HPS4: variants seen among roughly 807,000 people sequenced by gnomAD.
HPS4 encodes the protein BLOC-3 complex member HPS4.
In HPS4, 44 loss-of-function variants were observed where a neutral mutation model predicts 70.3. The ratio of observed to expected loss-of-function variants is 0.63; its 90% CI spans 0.49 to 0.80. HPS4 has a LOEUF of 0.80. Among genes scored for constraint, HPS4 ranks in the 30% least tolerant of loss-of-function variants. HPS4 has a pLI of 0.00. For missense variants in HPS4, 873 were observed against 884.4 expected (o/e 0.99, Z 0.16); for synonymous variants, 377 against 355.9 (o/e 1.06, Z -0.67).
At chr22:26,450,346 T>TG (rs2085103936), downstream of HPS4, among the ~76,000 whole-genome samples, 1 of 152,186 alleles carries the variant, frequency 6.6e-6, no homozygotes, top group Non-Finnish European at 1.5e-5. Flanking sequence ...ACGCAGTAAC[T>TG]GGGCGGCATG....
rs2085493902 is a variant in HPS4, at chr22:26,453,223, T to C, written c.*10A>G. 1 of 1,614,070 alleles carries C rather than the reference T, an allele frequency of 6.2e-7. No individual in the cohort carries two copies. Among genetic ancestry groups the C allele is most frequent in the Non-Finnish European group, 8.5e-7 (1 of 1,179,938 alleles). On this transcript the variant is annotated 3_prime_UTR_variant, in exon 14 of 14. Coordinates refer to ENST00000398145, the MANE Select transcript of HPS4 (RefSeq NM_022081.6). ...GGTTTTCTCCTTCCCAGTCACCTCC[T>C]GGGTGCAGTTCAGAGCAAGTTCACC...
chr22:26,448,989 C>T (rs62225810), downstream of HPS4, among the ~76,000 whole-genome samples: 1 of 152,124 alleles, frequency 6.6e-6, no homozygotes, highest in Non-Finnish European at 1.5e-5. Flanking sequence ...CCAGGAGCAG[C>T]GGTGGGTTCA....
chr22:26,458,308 T>C (rs2086562902), intron 12 of HPS4, 137 bp downstream of exon 12: 1 of 1,069,688 alleles, frequency 9.3e-7, no homozygotes, highest in Admixed American at 1.8e-5. Context: ...GGGCTCCCGG[T>C]GAGAAGAGAG....
At chr22:26,466,361 C>A in intron 8 of HPS4, 99 bp from the exon 9 acceptor site, 1 of 1,364,854 alleles carries the variant, frequency 7.3e-7, no homozygotes, top group Non-Finnish European at 1.0e-6. Flanking sequence ...TAAAACTTAG[C>A]CAGGCCCAGA....
In HPS4 at chr22:26,482,038, A is replaced by C; in HGVS notation, c.-276T>G. 2.2e-6 allele frequency: 1 copy of C among 456,008 alleles called. No homozygotes were observed. Among genetic ancestry groups the C allele is most frequent in the East Asian group, 4.4e-5 (1 of 22,640 alleles). 28.2% of individuals were successfully genotyped at this position (456,008 alleles called of 1,614,324 possible). A position where few individuals can be genotyped will look rare whatever the true frequency, so the allele number is the denominator to read the frequency against. ...CAGAGAATCCTAGCAGAAAAGTCAA[A>C]TCCATTCCTCTGGTTTCCTAAGTAT... is the stretch of plus-strand genomic sequence containing the variant. On this transcript the variant is annotated 5_prime_UTR_variant, in exon 2 of 14. Transcript: ENST00000398145.
chr22:26,478,332 G>A (rs180956505), intron 3 of HPS4, among the ~76,000 whole-genome samples: 1 of 152,102 alleles, frequency 6.6e-6, no homozygotes, highest in Non-Finnish European at 1.5e-5. Context: ...CTGCACTTTG[G>A]GAGGCTGAGG....
chr22:26,453,615 G>T, intron 13 of HPS4: 1 of 619,986 alleles, frequency 1.6e-6, no homozygotes, highest in South Asian at 1.8e-5. Context: ...CTAGATGCTG[G>T]AAGAGTCCGT....
intron 9 of HPS4, chr22:26,465,907 C>T: frequency 1.5e-6 from 1 of 673,490 alleles, no homozygotes; most frequent in Admixed American, 2.5e-5. Context: ...CCACATCCTG[C>T]AAAAGGTCTT....
chr22:26,472,431 G>A lies in HPS4; in HGVS notation c.385-13C>T, dbSNP rs776186382. 6.7e-7 allele frequency: 1 copy of A among 1,489,970 alleles called. No individual in the cohort carries two copies. The highest frequency in any genetic ancestry group is 9.4e-7 in the Non-Finnish European group (1 of 1,066,818). 92.3% of individuals were successfully genotyped at this position (1,489,970 alleles called of 1,614,324 possible). A position where few individuals can be genotyped will look rare whatever the true frequency, so the allele number is the denominator to read the frequency against. On this transcript the variant is annotated splice_polypyrimidine_tract_variant and intron_variant, in intron 5 of 13. Transcript: ENST00000398145. ...CCTGAGAACAGTTCTAAAACAGAAA[G>A]AGCCTCAGGTCAATATCTGAGATTT...
intron 7 of HPS4, among the ~76,000 whole-genome samples, chr22:26,469,025 C>A (rs539788902): frequency 6.6e-6 from 1 of 152,204 alleles, no homozygotes; most frequent in South Asian, 2.1e-4. Context: ...CGTTGAGAAA[C>A]CATGTGATCC....
intron 13 of HPS4, among the ~76,000 whole-genome samples, chr22:26,454,692 C>A (rs2085778329): frequency 6.6e-6 from 1 of 151,892 alleles, no homozygotes; most frequent in Admixed American, 6.6e-5. Context: ...ACATCTAAAA[C>A]ACCAAAAGCA....
intron 9 of HPS4, chr22:26,465,975 G>T: frequency 2.4e-6 from 3 of 1,232,796 alleles, no homozygotes; most frequent in African/African-American, 1.5e-5. Context: ...GCACTTGACC[G>T]AGCAGTCTCA....
chr22:26,474,251 G>A (rs987456128), intron 4 of HPS4, among the ~76,000 whole-genome samples: 12 of 152,234 alleles, frequency 7.9e-5, no homozygotes, highest in Non-Finnish European at 1.5e-4. Flanking sequence ...TGGAAAAGCC[G>A]AAAAGAGTCC....
intron 6 of HPS4, among the ~76,000 whole-genome samples, chr22:26,472,079 C>T (rs997506923): frequency 6.6e-6 from 1 of 152,166 alleles, no homozygotes; most frequent in Non-Finnish European, 1.5e-5. Flanking sequence ...ATTTGAGGTA[C>T]TGCTTCACTT....
chr22:26,451,784 CCA>C lies in HPS4; in HGVS notation c.*1447_*1448del, dbSNP rs2085215910. 1 of 152,366 alleles carries C rather than the reference CCA, an allele frequency of 6.6e-6. No homozygotes were observed. The highest frequency in any genetic ancestry group is 2.1e-4 in the South Asian group (1 of 4,834). The allele number at this position is 152,366 out of a possible 1,614,324, so 9.4% of individuals were successfully genotyped here. On this transcript the variant is annotated 3_prime_UTR_variant, in exon 14 of 14. Transcript: ENST00000398145. Reference sequence around the variant, plus strand: ...TCCTAGCTTCGGATAGGATCCTCTTCCATCTAGGCAGATGGGATCCAAGAGAC... The same window carrying C: ...TCCTAGCTTCGGATAGGATCCTCTTCTCTAGGCAGATGGGATCCAAGAGAC...
chr22:26,466,125 A>C lies in HPS4; in HGVS notation c.706+101T>G, dbSNP rs1601932993. ...TTTTCCTATTATGAGCAGAGGAAAT[A>C]AACATGCAGATGGCTTGGTTTCCTT... On this transcript the variant is annotated intron_variant, in intron 9 of 13. Transcript: ENST00000398145. 15 of 1,612,274 alleles carry C rather than the reference A, an allele frequency of 9.3e-6. No individual in the cohort carries two copies. In the East Asian group the frequency reaches 3.1e-4, roughly 34 times the overall value.
intron 3 of HPS4, among the ~76,000 whole-genome samples, chr22:26,445,301 T>C (rs1161799722): frequency 6.6e-6 from 1 of 151,850 alleles, no homozygotes; most frequent in Admixed American, 6.6e-5. Context: ...GCCAGTGCAC[T>C]CCAGCCAAGA....
intron 4 of HPS4, among the ~76,000 whole-genome samples, chr22:26,474,874 TA>T (rs1342018487): frequency 6.6e-6 from 1 of 152,100 alleles, no homozygotes; most frequent in East Asian, 1.9e-4. Flanking sequence ...AAAACCACAA[TA>T]ACACACCACT....
At chr22:26,455,065 T>G (rs2085857617) in intron 13 of HPS4, among the ~76,000 whole-genome samples, 1 of 152,206 alleles carries the variant, frequency 6.6e-6, no homozygotes, top group Admixed American at 6.5e-5. Context: ...TGGCGATCAT[T>G]AAAAAGTCAG....
Sources: allele counts gnomAD v4.1 joint callset (sites outside exome capture counted in the v4.1 genomes callset), GRCh38; gene constraint gnomAD v4.1.1; transcripts MANE v1.5; gene names NCBI Gene and HGNC (gene_info 2026-07-23, HGNC 2026-07-21).